The following MEGF11 variants were observed in gnomAD, a reference collection of about 807,000 sequenced individuals.
MEGF11 encodes the protein multiple EGF like domains 11, also known as multiple epidermal growth factor-like domains protein 11.
In MEGF11, 126 loss-of-function variants were observed where a neutral mutation model predicts 146.6. That is an observed-to-expected ratio of 0.86 (90% CI 0.74 to 1.00). The LOEUF is 1.00. MEGF11 is among the 50% of genes least tolerant of loss of function. MEGF11 has a pLI of 0.00. For synonymous variants in MEGF11, 532 were observed against 583.4 expected, an observed-to-expected ratio of 0.91 and a Z score of 1.27; for missense variants, 1,509 against 1,521.2, an observed-to-expected ratio of 0.99 and a Z score of 0.13.
At chr15:65,963,180 G>A (rs774851269) in intron 9 of MEGF11, among the ~76,000 whole-genome samples, 16 of 152,128 alleles carry the variant, frequency 1.1e-4, no homozygotes, top group Non-Finnish European at 2.4e-4. Flanking sequence ...CAGCAGGAGC[G>A]ACAGATTCTG....
intron 1 of MEGF11, among the ~76,000 whole-genome samples, chr15:66,179,414 T>G (rs1367902543): frequency 6.6e-6 from 1 of 152,200 alleles, no homozygotes; most frequent in Admixed American, 6.5e-5. Context: ...ATTATAGGCA[T>G]GAGCCATTCC....
chr15:66,120,621 A>C (rs946157746), intron 3 of MEGF11, among the ~76,000 whole-genome samples: 1 of 152,246 alleles, frequency 6.6e-6, no homozygotes, highest in Non-Finnish European at 1.5e-5. Context: ...ACTCTGGGGA[A>C]ATCTGTGATA....
intron 5 of MEGF11, among the ~76,000 whole-genome samples, chr15:66,054,351 C>G (rs1352612855): frequency 6.6e-6 from 1 of 152,214 alleles, no homozygotes; most frequent in Non-Finnish European, 1.5e-5. Flanking sequence ...ACAGCCTGAT[C>G]CTAACAGGTC....
chr15:66,227,540 G>A (rs970151760), intron 1 of MEGF11, among the ~76,000 whole-genome samples: 48 of 152,114 alleles, frequency 3.2e-4, no homozygotes, highest in Non-Finnish European at 6.2e-4. Flanking sequence ...TCCTTCTAAC[G>A]CCAGGAATTC....
chr15:66,224,752 T>TTA (rs958573536), intron 1 of MEGF11, among the ~76,000 whole-genome samples: 3 of 147,304 alleles, frequency 2.0e-5, no homozygotes, highest in African/African-American at 7.4e-5. Context: ...ATATATATAT[T>TTA]TATATATATA....
chr15:65,965,679 T>A (rs951327510), intron 8 of MEGF11, among the ~76,000 whole-genome samples: 7 of 146,420 alleles, frequency 4.8e-5, no homozygotes, highest in Admixed American at 1.4e-4. Flanking sequence ...AGGCACCATT[T>A]TGGAAGCAGA....
At chr15:66,195,633 C>T (rs2090989481) in intron 1 of MEGF11, among the ~76,000 whole-genome samples, 1 of 152,190 alleles carries the variant, frequency 6.6e-6, no homozygotes, top group South Asian at 2.1e-4. Context: ...AAGGAGGGTT[C>T]CAAAAGGTCC....
intron 2 of MEGF11, among the ~76,000 whole-genome samples, chr15:66,124,293 A>T (rs1401062617): frequency 6.6e-6 from 1 of 152,206 alleles, no homozygotes; most frequent in Non-Finnish European, 1.5e-5. Context: ...AGCGGGGGGT[A>T]GTTTTATTCT....
intron 1 of MEGF11, among the ~76,000 whole-genome samples, chr15:66,150,615 T>TGGAA (rs139546795): frequency 0.038 from 5,628 of 146,514 alleles, 193 homozygotes; most frequent in African/African-American, 0.087. Context: ...GACTTATTAG[T>TGGAA]GGAAGGAAGG....
intron 1 of MEGF11, among the ~76,000 whole-genome samples, chr15:66,228,308 G>A (rs1192384376): frequency 2.0e-5 from 3 of 151,998 alleles, no homozygotes; most frequent in African/African-American, 4.8e-5. Flanking sequence ...AGGGGCTTAC[G>A]AAGCCTTGTC....
intron 1 of MEGF11, among the ~76,000 whole-genome samples, chr15:66,225,771 T>C (rs997594537): frequency 2.6e-5 from 4 of 152,222 alleles, no homozygotes. Flanking sequence ...TATGCTCACA[T>C]GAAGGCATAT....
chr15:66,104,503 CTT>C (rs2086973606), intron 4 of MEGF11, among the ~76,000 whole-genome samples: 1 of 152,358 alleles, frequency 6.6e-6, no homozygotes, highest in East Asian at 1.9e-4. Context: ...CTTTGCCTCT[CTT>C]AAGTTCTTTC....
chr15:66,056,052 T>C lies in MEGF11; in HGVS notation c.394+38350A>G, dbSNP rs370736326. Among the ~76,000 whole-genome samples the C allele has an allele frequency of 1.4e-4, 22 of 152,246 alleles. No homozygotes were observed. The East Asian group carries it at 2.9e-3, about 20-fold the overall frequency. On this transcript the variant is annotated intron_variant, in intron 5 of 25. Coordinates refer to ENST00000395614, the MANE Select transcript of MEGF11 (RefSeq NM_001385028.1). ...GCAGCAGCAGCACCATATGTGAGCG[T>C]GTTAGAAATGCAGAGTGTCAGGCTC...
intron 1 of MEGF11, among the ~76,000 whole-genome samples, chr15:66,218,545 T>A (rs1404523565): frequency 5.3e-5 from 8 of 152,174 alleles, no homozygotes; most frequent in African/African-American, 1.9e-4. Context: ...GAGTTTCATG[T>A]GGAGATGGAG....
Position 65,896,016 on chromosome 15 carries a change from A to G in MEGF11, c.*1918T>C, listed in dbSNP as rs1164840560. On this transcript the variant is annotated 3_prime_UTR_variant, in exon 26 of 26. Coordinates refer to ENST00000395614, the MANE Select transcript of MEGF11 (RefSeq NM_001385028.1). ...TACATGCAGGATAAGGGAAGAAGAG[A>G]AAACCTGGGATTGAGTTGAAGTTTC... The G allele has an allele frequency of 6.6e-6, 1 of 152,216 alleles. No individual in the cohort carries two copies. The highest frequency in any genetic ancestry group is 1.5e-5 in the Non-Finnish European group (1 of 68,032). 9.4% of individuals were successfully genotyped at this position (152,216 alleles called of 1,614,324 possible). A position where few individuals can be genotyped will look rare whatever the true frequency, so the allele number is the denominator to read the frequency against.
rs532878726 is a variant in MEGF11 at position 65,904,520 on chromosome 15, A to G, written c.3055+1565T>C. 1.2e-4 allele frequency among the ~76,000 whole-genome samples: 19 copies of G among 152,318 alleles called. 1 individual carries two copies. In the South Asian group the frequency reaches 3.7e-3, roughly 30 times the overall value. On this transcript the variant is annotated intron_variant, in intron 24 of 25. Coordinates refer to ENST00000395614, the MANE Select transcript of MEGF11 (RefSeq NM_001385028.1). ...CTTATCGCTGTCTTGTTCAGAATGC[A>G]GTACTTACCACCATCCCCTACCCTG... is the stretch of plus-strand genomic sequence containing the variant.
At chr15:66,137,444 G>A (rs1034870164) in intron 1 of MEGF11, among the ~76,000 whole-genome samples, 16 of 152,166 alleles carry the variant, frequency 1.1e-4, no homozygotes, top group Admixed American at 3.9e-4. Flanking sequence ...GTGTGTGCAC[G>A]GGCATACGGT....
At chr15:66,250,717 G>A (rs2140270745) in intron 1 of MEGF11, among the ~76,000 whole-genome samples, 1 of 152,230 alleles carries the variant, frequency 6.6e-6, no homozygotes, top group South Asian at 2.1e-4. Flanking sequence ...GACCAGCCTG[G>A]CCAACATGGC....
At chr15:66,098,197 C>T (rs1468758936) in intron 4 of MEGF11, among the ~76,000 whole-genome samples, 1 of 152,114 alleles carries the variant, frequency 6.6e-6, no homozygotes, top group African/African-American at 2.4e-5. Context: ...CAGGCCGGGA[C>T]CCAGGACAGC....
Sources: allele counts gnomAD v4.1 joint callset (sites outside exome capture counted in the v4.1 genomes callset), GRCh38; gene constraint gnomAD v4.1.1; transcripts MANE v1.5; gene names NCBI Gene and HGNC (gene_info 2026-07-23, HGNC 2026-07-21).